ZBTB7C: variants seen among roughly 807,000 people sequenced by gnomAD.
ZBTB7C encodes zinc finger and BTB domain-containing protein 7C.
ZBTB7C carries 8 observed loss-of-function variants against 25.7 expected under a neutral mutation model. The observed-to-expected ratio is 0.31, with a 90% CI of 0.18 to 0.56. ZBTB7C has a LOEUF of 0.56. Ranked by LOEUF, ZBTB7C falls within the 20% of genes least tolerant of loss-of-function variation. The pLI, the probability that ZBTB7C is intolerant of heterozygous loss-of-function variation, is 0.91. For synonymous variants in ZBTB7C, 394 were observed against 369.0 expected (o/e 1.07, Z -0.78); for missense variants, 824 against 855.2 (o/e 0.96, Z 0.46).
intron 2 of ZBTB7C, among the ~76,000 whole-genome samples, chr18:48,249,615 A>G (rs2043791600): frequency 6.6e-6 from 1 of 152,238 alleles, no homozygotes; most frequent in South Asian, 2.1e-4. Context: ...TATAGGTGAC[A>G]TAAGAAATAT....
intron 2 of ZBTB7C, among the ~76,000 whole-genome samples, chr18:48,285,139 TC>T: frequency 6.6e-6 from 1 of 152,346 alleles, no homozygotes; most frequent in East Asian, 1.9e-4. Flanking sequence ...AATATATAGA[TC>T]CATTGGCTCA....
At chr18:48,228,050 G>A (rs756076914) in intron 2 of ZBTB7C, among the ~76,000 whole-genome samples, 6 of 152,260 alleles carry the variant, frequency 3.9e-5, no homozygotes, top group South Asian at 2.1e-4. Flanking sequence ...TGGAGAGGCC[G>A]CCCCACCTGG....
At chr18:48,278,637 C>G (rs1450265879) in intron 2 of ZBTB7C, among the ~76,000 whole-genome samples, 1 of 152,086 alleles carries the variant, frequency 6.6e-6, no homozygotes, top group East Asian at 1.9e-4. Flanking sequence ...ACCACATTGG[C>G]CAGGCTGGTC....
At chr18:48,343,668 T>C (rs988011142) in intron 1 of ZBTB7C, among the ~76,000 whole-genome samples, 33 of 152,224 alleles carry the variant, frequency 2.2e-4, no homozygotes, top group African/African-American at 7.7e-4. Context: ...GAAACAGGAG[T>C]GGGTCGGGAG....
At chr18:48,118,713 C>T (rs573533886) in intron 3 of ZBTB7C, among the ~76,000 whole-genome samples, 1 of 152,246 alleles carries the variant, frequency 6.6e-6, no homozygotes, top group African/African-American at 2.4e-5. Context: ...TAAAATGAGA[C>T]TTTCTATGAG....
chr18:48,084,923 T>A (rs2038138177), intron 3 of ZBTB7C, among the ~76,000 whole-genome samples: 1 of 152,200 alleles, frequency 6.6e-6, no homozygotes, highest in African/African-American at 2.4e-5. Context: ...TACTGACCCC[T>A]GAAGCTTCCC....
intron 3 of ZBTB7C, among the ~76,000 whole-genome samples, chr18:48,070,592 C>A (rs146604208): frequency 6.6e-6 from 1 of 152,176 alleles, no homozygotes; most frequent in African/African-American, 2.4e-5. Context: ...GAAGGGAAAT[C>A]CCCCATCTGA....
At position 48,029,592 on chromosome 18, in the gene ZBTB7C, C is replaced by A. The variant is rs2144053220; in HGVS notation, c.1528G>T (p.Ala510Ser). 6.7e-7 allele frequency: 1 copy of A among 1,493,692 alleles called. No individual in the cohort carries two copies. The highest frequency in any genetic ancestry group is 8.8e-7 in the Non-Finnish European group (1 of 1,133,190). 92.5% of individuals were successfully genotyped at this position (1,493,692 alleles called of 1,614,324 possible). A position where few individuals can be genotyped will look rare whatever the true frequency, so the allele number is the denominator to read the frequency against. Reference protein sequence around the residue: ...PDKAAFVMPPALGEVGGHLGG... With the variant: ...PDKAAFVMPPSLGEVGGHLGG... ...AGGTGGCCGCCCACCTCGCCCAGCG[C>A]AGGGGGCATCACGAAGGCCGCCTTG... is the stretch of plus-strand genomic sequence containing the variant. Residue 510 changes from alanine (A) to serine (S), a missense_variant, in exon 5 of 5, where the codon GCG (alanine) becomes TCG (serine). Around this residue, in one of 4 missense-constraint regions of ZBTB7C, gnomAD observed 342 missense variants for 307.0 expected, o/e 1.11. Transcript: ENST00000590800.
chr18:48,145,261 C>A (rs7238076), intron 3 of ZBTB7C, among the ~76,000 whole-genome samples: 3,123 of 152,292 alleles, frequency 0.021, 114 homozygotes, highest in African/African-American at 0.072. Flanking sequence ...TGACTTTCAA[C>A]TGGCCCCTCA....
chr18:48,040,602 T>C lies in ZBTB7C; in HGVS notation c.506A>G (p.Glu169Gly). 1 of 1,613,840 alleles carries C rather than the reference T, an allele frequency of 6.2e-7. No individual in the cohort carries two copies. Among genetic ancestry groups the C allele is most frequent in the South Asian group, 1.1e-5 (1 of 91,028 alleles). The part of the protein sequence containing the change: ...EEEEDDDDDT[E>G]DFADQENLPD... ...CAAGTTTTCTTGGTCAGCAAAGTCC[T>C]CCGTGTCATCATCGTCATCCTCCTC... is the stretch of plus-strand genomic sequence containing the variant. Residue 169 changes from glutamate to glycine, a missense_variant, in exon 4 of 5, where the codon GAG becomes GGG. By Grantham distance (98) the Glu-to-Gly change is moderately conservative (BLOSUM62 -2). This residue lies in a region of ZBTB7C where 316 missense variants were observed against 299.2 expected (regional missense o/e 1.06). Coordinates refer to ENST00000590800, the MANE Select transcript of ZBTB7C (RefSeq NM_001318841.2).
chr18:48,401,255 G>A (rs962368932), intron 1 of ZBTB7C, among the ~76,000 whole-genome samples: 1 of 152,142 alleles, frequency 6.6e-6, no homozygotes, highest in Non-Finnish European at 1.5e-5. Context: ...CATCGATCCT[G>A]TCTTTTCTCA....
chr18:48,304,294 G>T (rs1198174854), intron 2 of ZBTB7C, among the ~76,000 whole-genome samples: 2 of 152,202 alleles, frequency 1.3e-5, no homozygotes, highest in Admixed American at 6.5e-5. Context: ...ACTTTACTGA[G>T]ACCAGAGTAA....
chr18:48,338,908 TG>T lies in ZBTB7C; in HGVS notation c.-303-511del, dbSNP rs1179062276. ...GCAAGGCTTCTGGTGTTCTGTAGTT[TG>T]TTGGGGGGGGGGGGTCCAGGTAGGA... is the stretch of plus-strand genomic sequence containing the variant. On this transcript the variant is annotated intron_variant, in intron 1 of 4. Coordinates refer to ENST00000590800, the MANE Select transcript of ZBTB7C (RefSeq NM_001318841.2). Among the ~76,000 whole-genome samples the T allele has an allele frequency of 4.1e-5, 5 of 122,566 alleles. No homozygotes were observed. In the Admixed American group the frequency reaches 4.2e-4, roughly 10 times the overall value. 80.4% of individuals were successfully genotyped at this position (122,566 alleles called of 152,430 possible).
intron 2 of ZBTB7C, among the ~76,000 whole-genome samples, chr18:48,286,549 A>C (rs954598289): frequency 6.6e-6 from 1 of 152,176 alleles, no homozygotes; most frequent in African/African-American, 2.4e-5. Flanking sequence ...AAATATGTTC[A>C]TAATAAAATA....
intron 3 of ZBTB7C, chr18:48,137,110 C>T: frequency 1.0e-6 from 1 of 985,482 alleles, no homozygotes; most frequent in Non-Finnish European, 1.2e-6. Context: ...CGGGAGCCTG[C>T]CGCAGCCGGC....
chr18:48,320,470 T>C (rs2046063460), intron 2 of ZBTB7C, among the ~76,000 whole-genome samples: 3 of 152,150 alleles, frequency 2.0e-5, no homozygotes, highest in South Asian at 4.2e-4. Context: ...GGGCAGAGGC[T>C]GGGAGGCCAA....
intron 3 of ZBTB7C, among the ~76,000 whole-genome samples, chr18:48,164,260 A>G (rs1286739565): frequency 6.6e-6 from 1 of 152,210 alleles, no homozygotes; most frequent in African/African-American, 2.4e-5. Flanking sequence ...ACTCACAGGC[A>G]GGCATGTTCC....
intron 1 of ZBTB7C, among the ~76,000 whole-genome samples, chr18:48,366,538 G>T (rs149756012): frequency 6.6e-6 from 1 of 152,108 alleles, no homozygotes; most frequent in Non-Finnish European, 1.5e-5. Context: ...TACATGGCAC[G>T]CAGTGGACTA....
chr18:48,041,770 T>C (rs2036253645), intron 3 of ZBTB7C, among the ~76,000 whole-genome samples: 1 of 152,146 alleles, frequency 6.6e-6, no homozygotes, highest in Non-Finnish European at 1.5e-5. Context: ...TAACTTCCTA[T>C]ATGTGTATAT....
Sources: allele counts gnomAD v4.1 joint callset (sites outside exome capture counted in the v4.1 genomes callset), GRCh38; gene constraint gnomAD v4.1.1; regional missense constraint gnomAD v4.1.1; transcripts MANE v1.5; gene names NCBI Gene and HGNC (gene_info 2026-07-23, HGNC 2026-07-21).